The following ECT2 variants were observed in gnomAD, a reference collection of about 807,000 sequenced individuals.
ECT2 encodes protein ECT2.
In ECT2, 61 loss-of-function variants were observed where a neutral mutation model predicts 116.9. The observed-to-expected ratio is 0.52, with a 90% CI of 0.42 to 0.65. The LOEUF (loss-of-function observed/expected upper bound fraction) is 0.65, where lower values mean the gene tolerates loss of function less well. Ranked by LOEUF, ECT2 falls within the 30% of genes least tolerant of loss-of-function variation. The probability of loss-of-function intolerance (pLI) is 0.00; values close to 1 mark genes in which losing one functional copy is unlikely to be tolerated. For synonymous variants in ECT2, 358 were observed against 346.4 expected (o/e 1.03, Z -0.37); for missense variants, 937 against 1,078.7 (o/e 0.87, Z 1.84).
chr3:172,785,356 A>G (rs1440564907), intron 17 of ECT2, among the ~76,000 whole-genome samples: 1 of 152,136 alleles, frequency 6.6e-6, no homozygotes, highest in Non-Finnish European at 1.5e-5. Flanking sequence ...ATTTTGTTAC[A>G]TTTAGCTGGC....
intron 23 of ECT2, among the ~76,000 whole-genome samples, chr3:172,816,094 C>T (rs1208191284): frequency 6.6e-6 from 1 of 152,110 alleles, no homozygotes; most frequent in African/African-American, 2.4e-5. Context: ...TTTTAGTCTT[C>T]TCGTGATGAA....
At chr3:172,776,274 T>C (rs968187607) in intron 14 of ECT2, among the ~76,000 whole-genome samples, 1 of 149,988 alleles carries the variant, frequency 6.7e-6, no homozygotes, top group South Asian at 2.1e-4. Flanking sequence ...CAACTATTTG[T>C]TTTTTTTAGC....
intron 14 of ECT2, among the ~76,000 whole-genome samples, chr3:172,774,230 C>T (rs1388154125): frequency 1.3e-5 from 2 of 152,170 alleles, no homozygotes; most frequent in Non-Finnish European, 2.9e-5. Flanking sequence ...GACAGTCTCA[C>T]TCTGTCACCC....
chr3:172,792,451 C>CTTT lies in ECT2; in HGVS notation c.1907+5889_1907+5891dup, dbSNP rs34510739. ...TATGTACGTGGAGTCTTTTATCTGG[C>CTTT]TTTTTTTTTTTTTTATACTCAGCAT... On this transcript the variant is annotated intron_variant, in intron 18 of 24. Coordinates refer to ENST00000392692, the MANE Select transcript of ECT2 (RefSeq NM_001258315.2). Among the ~76,000 whole-genome samples, 152 of 143,360 alleles carry CTTT rather than the reference C, an allele frequency of 1.1e-3. 2 individuals are homozygous for CTTT. Among genetic ancestry groups the CTTT allele is most frequent in the South Asian group, 4.1e-3 (19 of 4,590 alleles). The allele number at this position is 143,360 out of a possible 152,430, so 94.0% of individuals were successfully genotyped here.
At chr3:172,755,722 CT>C (rs1050944483) in intron 4 of ECT2, 147 bp downstream of exon 4, 3 of 384,070 alleles carry the variant, frequency 7.8e-6, no homozygotes, top group African/African-American at 6.2e-5. Flanking sequence ...TTTTTAACTC[CT>C]TAGCTTCTTT....
At chr3:172,819,684 T>C (rs1052525898) in intron 24 of ECT2, among the ~76,000 whole-genome samples, 1 of 152,112 alleles carries the variant, frequency 6.6e-6, no homozygotes, top group Admixed American at 6.6e-5. Context: ...ATCTGAGTTG[T>C]ACATATATTA....
chr3:172,781,834 T>C (rs999808875), intron 14 of ECT2, among the ~76,000 whole-genome samples: 1 of 152,180 alleles, frequency 6.6e-6, no homozygotes, highest in Non-Finnish European at 1.5e-5. Flanking sequence ...TTCTTAGATT[T>C]CAGCAGCAGG....
chr3:172,754,374 T>C (rs1576823034), intron 1 of ECT2, 135 bp from the exon 2 acceptor site: 2 of 580,454 alleles, frequency 3.4e-6, no homozygotes, highest in East Asian at 6.3e-5. Flanking sequence ...TCAGAGAAGG[T>C]CAGTGACTTT....
intron 14 of ECT2, among the ~76,000 whole-genome samples, chr3:172,779,869 C>G (rs1722382474): frequency 6.7e-6 from 1 of 149,610 alleles, no homozygotes; most frequent in African/African-American, 2.5e-5. Context: ...GCACTCCAGC[C>G]TGAGCAAAAG....
Position 172,759,059 on chromosome 3 carries a change from A to C in ECT2, c.566A>C (p.Lys189Thr). The C allele has an allele frequency of 6.3e-7, 1 of 1,592,838 alleles. No homozygotes were observed. The highest frequency in any genetic ancestry group is 8.6e-7 in the Non-Finnish European group (1 of 1,167,540). The change falls in exon 6 of 25, where the codon AAA becomes ACA. Residue 189 changes from lysine (K) to threonine (T), a missense_variant. Coordinates refer to ENST00000392692, the MANE Select transcript of ECT2 (RefSeq NM_001258315.2). Reference protein sequence around the residue: ...LVLCFTGFRKKEELVRLVTLV... With the variant: ...LVLCFTGFRKTEELVRLVTLV... ...CTATGCTTTACTGGATTTAGGAAAA[A>C]AGAAGAACTAGTAAGTATTACGAAA...
At chr3:172,798,055 A>C (rs939378564) in intron 18 of ECT2, among the ~76,000 whole-genome samples, 5 of 152,150 alleles carry the variant, frequency 3.3e-5, no homozygotes, top group African/African-American at 4.8e-5. Context: ...GAGATTTTTG[A>C]GGTGAACCCC....
intron 18 of ECT2, among the ~76,000 whole-genome samples, chr3:172,786,861 C>G (rs1723690106): frequency 6.6e-6 from 1 of 152,120 alleles, no homozygotes; most frequent in African/African-American, 2.4e-5. Flanking sequence ...TAACTCTAGT[C>G]ATAGCTTGTT....
chr3:172,777,283 T>G (rs777807018), intron 14 of ECT2, among the ~76,000 whole-genome samples: 1 of 152,220 alleles, frequency 6.6e-6, no homozygotes, highest in African/African-American at 2.4e-5. Context: ...AATCTTAAGT[T>G]TTTTGTAGTG....
At chr3:172,808,247 T>C (rs1728127443) in intron 22 of ECT2, among the ~76,000 whole-genome samples, 6 of 151,972 alleles carry the variant, frequency 3.9e-5, no homozygotes, top group Admixed American at 3.9e-4. Context: ...GGCTAAAAAT[T>C]AGAGAGTATT....
At chr3:172,816,598 C>G in intron 23 of ECT2, 93 bp from the exon 24 acceptor site, 1 of 1,106,450 alleles carries the variant, frequency 9.0e-7, no homozygotes, top group East Asian at 2.6e-5. Context: ...AGTAGAAAAA[C>G]TTTTGCCATA....
intron 24 of ECT2, among the ~76,000 whole-genome samples, chr3:172,817,156 C>G (rs1374933980): frequency 6.6e-6 from 1 of 152,006 alleles, no homozygotes; most frequent in Non-Finnish European, 1.5e-5. Context: ...AAGGACAGCA[C>G]AGCTCTGTAC....
chr3:172,796,872 T>C (rs889923922), intron 18 of ECT2, among the ~76,000 whole-genome samples: 1 of 152,148 alleles, frequency 6.6e-6, no homozygotes, highest in African/African-American at 2.4e-5. Flanking sequence ...TTGGCCAGGC[T>C]GGTCTTGAAC....
chr3:172,824,119 C>A (rs1162273831), downstream of ECT2, among the ~76,000 whole-genome samples: 3 of 152,154 alleles, frequency 2.0e-5, no homozygotes, highest in Admixed American at 2.0e-4. Flanking sequence ...GCAGGCTTAA[C>A]TAAATTAGTT....
At chr3:172,792,743 T>C (rs1576972451) in intron 18 of ECT2, among the ~76,000 whole-genome samples, 1 of 151,848 alleles carries the variant, frequency 6.6e-6, no homozygotes, top group South Asian at 2.1e-4. Flanking sequence ...GAGGGGGTGG[T>C]ATCTTATTCT....
Sources: allele counts gnomAD v4.1 joint callset (sites outside exome capture counted in the v4.1 genomes callset), GRCh38; gene constraint gnomAD v4.1.1; transcripts MANE v1.5; gene names NCBI Gene and HGNC (gene_info 2026-07-23, HGNC 2026-07-21).